Variants in COG3 observed in about 807,000 individuals in gnomAD.
COG3 encodes conserved oligomeric Golgi complex subunit 3.
Under a neutral mutation model 114.1 loss-of-function variants are expected in COG3, and 32 were observed. The observed-to-expected ratio is 0.28, with a 90% confidence interval of 0.21 to 0.38. The LOEUF is 0.38. COG3 is among the 10% of genes least tolerant of loss of function. The probability of loss-of-function intolerance (pLI) is 1.00; values close to 1 mark genes in which losing one functional copy is unlikely to be tolerated. For synonymous variants in COG3, 352 were observed against 365.7 expected (o/e 0.96, Z 0.43); for missense variants, 813 against 973.2 (o/e 0.84, Z 2.19).
intron 14 of COG3, 38 bp from the exon 15 acceptor site, chr13:45,509,654 A>G (rs1265569498): frequency 5.6e-6 from 9 of 1,606,746 alleles, no homozygotes; most frequent in South Asian, 1.1e-5. Flanking sequence ...AAATATCCAC[A>G]TGTGTGAAAT....
chr13:45,505,932 G>T (rs1404902518), intron 14 of COG3, among the ~76,000 whole-genome samples: 1 of 152,096 alleles, frequency 6.6e-6, no homozygotes, highest in African/African-American at 2.4e-5. Flanking sequence ...GTCTGGTTCT[G>T]TCGGGCAGGA....
intron 4 of COG3, among the ~76,000 whole-genome samples, chr13:45,480,523 A>G (rs1470719153): frequency 6.6e-6 from 1 of 152,068 alleles, no homozygotes; most frequent in East Asian, 1.9e-4. Flanking sequence ...CAATTTCCAA[A>G]TGTAGTGGCT....
chr13:45,477,896 G>A lies in COG3; in HGVS notation c.322-1109G>A, dbSNP rs527360910. Among the ~76,000 whole-genome samples, 25 of 152,152 alleles carry A rather than the reference G, an allele frequency of 1.6e-4. No individual in the cohort carries two copies. The East Asian group carries it at 1.9e-3, about 12-fold the overall frequency. Reference sequence around the variant, plus strand: ...CTGCCTTGCCCTCCCAAAGTGCTAGGATTACAGGCGTGAGCTACCATTCCC... The same window carrying A: ...CTGCCTTGCCCTCCCAAAGTGCTAGAATTACAGGCGTGAGCTACCATTCCC... On this transcript the variant is annotated intron_variant, in intron 2 of 22. Transcript: ENST00000349995.
rs1873013687 is a variant in COG3 at position 45,529,874 on chromosome 13, C to G, written c.2314C>G (p.Leu772Val). The stretch of plus-strand genomic sequence containing the variant: ...GACATTGAGAAGTATGTCCTTGTAC[C>G]TATCCAATAAAGATACCGAGTTCAT... Reference protein sequence around the residue: ...PVTLRSMSLYLSNKDTEFILF... With the variant: ...PVTLRSMSLYVSNKDTEFILF... Residue 772 changes from leucine (L) to valine (V), a missense_variant, in exon 21 of 23, where the codon CTA becomes GTA. Leu to Val is a conservative substitution (Grantham distance 32). This residue lies in a region of COG3 where 389 missense variants were observed against 542.6 expected (regional missense o/e 0.72). Transcript: ENST00000349995. 2 of 1,613,064 alleles carry G rather than the reference C, an allele frequency of 1.2e-6. No homozygotes were observed. Among genetic ancestry groups the G allele is most frequent in the Non-Finnish European group, 1.7e-6 (2 of 1,179,518 alleles).
chr13:45,468,738 A>G (rs548999339), intron 1 of COG3, among the ~76,000 whole-genome samples: 11 of 152,332 alleles, frequency 7.2e-5, no homozygotes, highest in African/African-American at 2.6e-4. Context: ...CATAAACTAT[A>G]CAGTAGCTCT....
rs59191711 is a variant in COG3 at position 45,496,814 on chromosome 13, C to T, written c.1488+502C>T. Among the ~76,000 whole-genome samples the T allele has an allele frequency of 4.6e-3, 697 of 152,090 alleles. 6 individuals carry two copies. Among genetic ancestry groups the T allele is most frequent in the African/African-American group, 0.016 (658 of 41,472 alleles). ...TCAGCCTCCCGAGAAGCTGGGACTACAGGCGCCCGCCACCACACCCGGCTA... is the reference window on the plus strand; with the variant it reads ...TCAGCCTCCCGAGAAGCTGGGACTATAGGCGCCCGCCACCACACCCGGCTA... On this transcript the variant is annotated intron_variant, in intron 13 of 22. Transcript: ENST00000349995.
intron 14 of COG3, among the ~76,000 whole-genome samples, chr13:45,508,521 C>T (rs1021898131): frequency 3.3e-5 from 5 of 151,390 alleles, no homozygotes; most frequent in South Asian, 2.1e-4. Flanking sequence ...AAATTATTGA[C>T]GTCATTGACA....
At position 45,496,212 on chromosome 13, in the gene COG3, G is replaced by A. The variant is rs1566254592; in HGVS notation, c.1388G>A (p.Arg463Gln). Residue 463 changes from arginine (R) to glutamine (Q), a missense_variant, in exon 13 of 23, where the codon CGG becomes CAG. Coordinates refer to ENST00000349995, the MANE Select transcript of COG3 (RefSeq NM_031431.4). ...VKQMLEDVQERLVYRTHIYIQ... is the reference protein window; with the variant it reads ...VKQMLEDVQEQLVYRTHIYIQ... Reference sequence around the variant, plus strand: ...CAGATGTTAGAAGATGTACAGGAGCGGCTCGTCTACCGAACCCACATCTAT... The same window carrying A: ...CAGATGTTAGAAGATGTACAGGAGCAGCTCGTCTACCGAACCCACATCTAT... The A allele has an allele frequency of 2.5e-6, 4 of 1,612,950 alleles. No individual in the cohort carries two copies. The highest frequency in any genetic ancestry group is 2.2e-5 in the East Asian group (1 of 44,770).
At chr13:45,480,627 G>T (rs1886192865) in intron 4 of COG3, among the ~76,000 whole-genome samples, 1 of 151,972 alleles carries the variant, frequency 6.6e-6, no homozygotes, top group Non-Finnish European at 1.5e-5. Flanking sequence ...GTGCAATGAC[G>T]TGATCTCAGC....
At chr13:45,508,403 T>TATATAC (rs1352468701) in intron 14 of COG3, among the ~76,000 whole-genome samples, 33 of 133,038 alleles carry the variant, frequency 2.5e-4, no homozygotes, top group East Asian at 1.2e-3. Flanking sequence ...TATATATATA[T>TATATAC]ACACACACAC....
intron 17 of COG3, among the ~76,000 whole-genome samples, chr13:45,517,097 C>A (rs1276158034): frequency 6.6e-6 from 1 of 152,132 alleles, no homozygotes; most frequent in Non-Finnish European, 1.5e-5. Context: ...TCCCTCATGT[C>A]CCTTAATTAC....
Position 45,518,819 on chromosome 13 carries a change from G to A in COG3, c.1988G>A (p.Ser663Asn). 3.1e-6 allele frequency: 5 copies of A among 1,614,044 alleles called. No homozygotes were observed. Among genetic ancestry groups the A allele is most frequent in the Non-Finnish European group, 3.4e-6 (4 of 1,179,938 alleles). The change falls in exon 18 of 23, where the codon AGC (serine) becomes AAC (asparagine). Residue 663 changes from serine to asparagine, a missense_variant. Transcript: ENST00000349995. ...MTVPRFFRLN[S>N]NNALIEFLLE... ...GTCCCAAGATTTTTTAGGCTGAATAGCAACAATGCCTTGATAGAGTTCTTG... is the reference window on the plus strand; with the variant it reads ...GTCCCAAGATTTTTTAGGCTGAATAACAACAATGCCTTGATAGAGTTCTTG...
intron 20 of COG3, among the ~76,000 whole-genome samples, chr13:45,528,426 A>T (rs1242339418): frequency 6.6e-6 from 1 of 152,164 alleles, no homozygotes; most frequent in Non-Finnish European, 1.5e-5. Flanking sequence ...ACCCCTTTCC[A>T]GTAGCAAGAG....
intron 6 of COG3, among the ~76,000 whole-genome samples, chr13:45,482,888 C>T (rs749979466): frequency 6.6e-6 from 1 of 152,204 alleles, no homozygotes; most frequent in Admixed American, 6.5e-5. Flanking sequence ...CCCTCTATTT[C>T]TGTTTCTTCA....
At chr13:45,505,112 A>G (rs1869980170) in intron 14 of COG3, among the ~76,000 whole-genome samples, 1 of 151,578 alleles carries the variant, frequency 6.6e-6, no homozygotes, top group African/African-American at 2.4e-5. Context: ...TCTTGAACCC[A>G]GGAGGTGGAG....
chr13:45,528,299 A>C (rs935754643), intron 20 of COG3, among the ~76,000 whole-genome samples: 1 of 152,098 alleles, frequency 6.6e-6, no homozygotes, highest in African/African-American at 2.4e-5. Context: ...TCTACGGAGT[A>C]CCTACTCTTT....
intron 14 of COG3, among the ~76,000 whole-genome samples, chr13:45,508,070 A>T (rs1192594681): frequency 3.5e-5 from 2 of 57,190 alleles, no homozygotes; most frequent in African/African-American, 1.7e-4. Flanking sequence ...GTCCAACCTA[A>T]AAAAAAAAAA....
Position 45,480,232 on chromosome 13 carries a change from T to C in COG3, c.491T>C (p.Phe164Ser). Residue 164 changes from phenylalanine to serine, a missense_variant, in exon 4 of 23, where the codon TTT becomes TCT. Phe to Ser is a radical substitution (Grantham distance 155). Around this residue, in one of 2 missense-constraint regions of COG3, gnomAD observed 424 missense variants for 430.6 expected, o/e 0.98. Coordinates refer to ENST00000349995, the MANE Select transcript of COG3 (RefSeq NM_031431.4). Reference sequence around the variant, plus strand: ...GAGTCTTTGCAGAAACAGTATCTTTTTGTGTCCAATAAGACAGGAACCCTA... The same window carrying C: ...GAGTCTTTGCAGAAACAGTATCTTTCTGTGTCCAATAAGACAGGAACCCTA... ...HLESLQKQYL[F>S]VSNKTGTLHE... 6.2e-7 allele frequency: 1 copy of C among 1,613,998 alleles called. No homozygotes were observed. The highest frequency in any genetic ancestry group is 8.5e-7 in the Non-Finnish European group (1 of 1,179,898).
Position 45,481,259 on chromosome 13 carries a change from T to G in COG3, c.579T>G (p.Ile193Met). The G allele has an allele frequency of 6.3e-7, 1 of 1,599,342 alleles. No homozygotes were observed. Residue 193 changes from isoleucine (I) to methionine (M), a missense_variant, in exon 5 of 23, where the codon ATT (isoleucine) becomes ATG (methionine). By Grantham distance (10) the Ile-to-Met change is conservative. Around this residue, in one of 2 missense-constraint regions of COG3, gnomAD observed 424 missense variants for 430.6 expected, o/e 0.98. Transcript: ENST00000349995. ...AACTTGTTGATCTGGCTGAAAACAT[T>G]CAACAAAAGCTTTCCTATTTTAACG... ...QSELVDLAEN[I>M]QQKLSYFNEL...
Sources: gnomAD v4.1 joint callset for allele counts (sites outside exome capture counted in the v4.1 genomes callset) on GRCh38, gnomAD v4.1.1 for gene constraint, gnomAD v4.1.1 regional missense constraint, MANE v1.5 for transcripts, NCBI Gene and HGNC (gene_info 2026-07-23, HGNC 2026-07-21) for gene names.